The following CEACAM21 variants were observed in gnomAD, a reference collection of about 807,000 sequenced individuals.
CEACAM21 encodes cell adhesion molecule CEACAM21.
Under a neutral mutation model 33.2 loss-of-function variants are expected in CEACAM21, and 38 were observed. That is an observed-to-expected ratio of 1.14 (90% CI 0.88 to 1.50). The LOEUF (loss-of-function observed/expected upper bound fraction) is 1.50, where lower values mean the gene tolerates loss of function less well. CEACAM21 is among the 40% of genes most tolerant of loss of function. The pLI is 0.00. For missense variants in CEACAM21, 385 were observed against 364.6 expected (o/e 1.06, Z -0.46); for synonymous variants, 156 against 143.0 (o/e 1.09, Z -0.65).
intron 1 of CEACAM21, among the ~76,000 whole-genome samples, chr19:41,554,327 T>C (rs2041408486): frequency 6.6e-6 from 1 of 152,012 alleles, no homozygotes; most frequent in Non-Finnish European, 1.5e-5. Context: ...CAAGGTAACA[T>C]GTGTATATGG....
intron 2 of CEACAM21, among the ~76,000 whole-genome samples, chr19:41,565,992 T>C (rs1249630197): frequency 6.6e-6 from 1 of 151,844 alleles, no homozygotes; most frequent in East Asian, 1.9e-4. Context: ...TTCTGGAGGA[T>C]TGATGGCTGA....
intron 1 of CEACAM21, among the ~76,000 whole-genome samples, chr19:41,559,944 G>A (rs1555786416): frequency 6.6e-6 from 1 of 152,068 alleles, no homozygotes; most frequent in Non-Finnish European, 1.5e-5. Flanking sequence ...TGTGAACAAC[G>A]TTGCATCTCA....
At chr19:41,570,321 C>T (rs116111041) in intron 2 of CEACAM21, among the ~76,000 whole-genome samples, 345 of 152,220 alleles carry the variant, frequency 2.3e-3, no homozygotes, top group African/African-American at 7.9e-3. Flanking sequence ...GAAAGGCTGT[C>T]GCTCCTAATA....
At chr19:41,565,059 G>A (rs1313930734) in intron 2 of CEACAM21, 1 of 152,452 alleles carries the variant, frequency 6.6e-6, no homozygotes, top group Non-Finnish European at 1.5e-5. Flanking sequence ...GGTGCGTGGT[G>A]AGTCTCCCCA....
intron 1 of CEACAM21, among the ~76,000 whole-genome samples, chr19:41,552,840 G>C (rs1351988416): frequency 1.3e-5 from 2 of 152,128 alleles, no homozygotes; most frequent in African/African-American, 4.8e-5. Context: ...ATAGGTTGCT[G>C]CTACTTCCTT....
rs371133723 is a variant in CEACAM21, at chr19:41,579,390, C to T, written c.462C>T (p.Thr154=). 9.9e-6 allele frequency: 16 copies of T among 1,613,862 alleles called. No homozygotes were observed. In the East Asian group the frequency reaches 2.5e-4, roughly 25 times the overall value. The change falls in exon 3 of 7, where the codon ACC becomes ACT. Residue 154 remains threonine (T), a synonymous_variant. Coordinates refer to ENST00000401445, the MANE Select transcript of CEACAM21 (RefSeq NM_001098506.4). ...VAQPSIQASS[T]TVTEKGSVVL... ...AGCCCTCCATCCAAGCCAGCAGCAC[C>T]ACAGTCACAGAGAAGGGCTCCGTGG...
intron 5 of CEACAM21, 124 bp from the exon 6 acceptor site, chr19:41,585,716 C>A: frequency 8.6e-7 from 1 of 1,165,036 alleles, no homozygotes; most frequent in Non-Finnish European, 1.2e-6. Flanking sequence ...TACTTGACCC[C>A]TAAAATAACC....
intron 3 of CEACAM21, among the ~76,000 whole-genome samples, chr19:41,580,293 T>C (rs1430176519): frequency 6.6e-6 from 1 of 151,556 alleles, no homozygotes; most frequent in Non-Finnish European, 1.5e-5. Flanking sequence ...CAGACACACT[T>C]CTGTGACCAA....
intron 3 of CEACAM21, among the ~76,000 whole-genome samples, chr19:41,584,048 CA>C (rs2070519767): frequency 6.6e-6 from 1 of 152,062 alleles, no homozygotes; most frequent in Non-Finnish European, 1.5e-5. Context: ...AAAAAAGAAA[CA>C]GGGGGAAGAG....
rs534780264 is a variant in CEACAM21, at chr19:41,577,419, A to T, written c.284A>T (p.Tyr95Phe). 1 of 1,614,188 alleles carries T rather than the reference A, an allele frequency of 6.2e-7. No individual in the cohort carries two copies. Among genetic ancestry groups the T allele is most frequent in the South Asian group, 1.1e-5 (1 of 91,086 alleles). ...CACGTTAGGACTCCAGGGCCTGCAT[A>T]CAGCGGTCGAGAGACAATATCACCC... ...DTHVRTPGPA[Y>F]SGRETISPSG... The change falls in exon 2 of 7, where the codon TAC becomes TTC. Residue 95 changes from tyrosine to phenylalanine, a missense_variant. By Grantham distance (22) the Tyr-to-Phe change is conservative. Coordinates refer to ENST00000401445, the MANE Select transcript of CEACAM21 (RefSeq NM_001098506.4).
chr19:41,561,176 C>T (rs191737446), intron 1 of CEACAM21, among the ~76,000 whole-genome samples: 1 of 152,174 alleles, frequency 6.6e-6, no homozygotes, highest in East Asian at 1.9e-4. Context: ...ATTTTTAAAA[C>T]AAACTTTTTG....
chr19:41,577,648 C>G, intron 2 of CEACAM21, 89 bp downstream of exon 2: 1 of 1,567,290 alleles, frequency 6.4e-7, no homozygotes, highest in Non-Finnish European at 8.6e-7. Context: ...GCCTGCATCC[C>G]CCTCTGCATT....
intron 2 of CEACAM21, among the ~76,000 whole-genome samples, chr19:41,578,180 C>A (rs1273728386): frequency 6.6e-6 from 1 of 152,116 alleles, no homozygotes; most frequent in Non-Finnish European, 1.5e-5. Context: ...CTTCCCAGGC[C>A]ATTAAACTGG....
intron 1 of CEACAM21, chr19:41,551,960 G>A (rs1033440363): frequency 1.3e-5 from 2 of 152,072 alleles, no homozygotes; most frequent in Non-Finnish European, 1.5e-5. Context: ...TATTTCTCAC[G>A]GCCCAATAAC....
intron 2 of CEACAM21, 50 bp downstream of exon 2, chr19:41,577,609 C>T (rs781984731): frequency 2.5e-6 from 4 of 1,603,530 alleles, no homozygotes; most frequent in Non-Finnish European, 3.4e-6. Flanking sequence ...TTCTGCTTCA[C>T]ATACGCAGGA....
Position 41,579,575 on chromosome 19 carries a change from T to C in CEACAM21, c.647T>C (p.Val216Ala), listed in dbSNP as rs782104168. The C allele has an allele frequency of 6.3e-7, 1 of 1,596,730 alleles. No homozygotes were observed. Among genetic ancestry groups the C allele is most frequent in the South Asian group, 1.1e-5 (1 of 88,744 alleles). The change falls in exon 3 of 7, where the codon GTC becomes GCC. Residue 216 changes from valine to alanine, a missense_variant. Coordinates refer to ENST00000401445, the MANE Select transcript of CEACAM21 (RefSeq NM_001098506.4). ...GACGCTGGGGAGTATCAGTGTGAGG[T>C]CTCCAACCCAGTCAGCTCCAACAGG... ...QEDAGEYQCE[V>A]SNPVSSNRSD...
At chr19:41,557,802 G>C (rs1207098442) in intron 1 of CEACAM21, among the ~76,000 whole-genome samples, 1 of 152,210 alleles carries the variant, frequency 6.6e-6, no homozygotes, top group African/African-American at 2.4e-5. Context: ...GAGGATGTAG[G>C]TTATTCAGTG....
At chr19:41,576,424 G>A in intron 1 of CEACAM21, 86 bp downstream of exon 1, 2 of 1,380,106 alleles carry the variant, frequency 1.4e-6, no homozygotes, top group South Asian at 1.4e-5. Context: ...GGCTCTGAGA[G>A]GAGACAGAGG....
chr19:41,555,401 A>G (rs1318016507), intron 1 of CEACAM21: 1 of 151,232 alleles, frequency 6.6e-6, no homozygotes, highest in Non-Finnish European at 1.5e-5. Context: ...TCAGAAAGTC[A>G]TATTTGGAGG....
Sources: gnomAD v4.1 joint callset for allele counts (sites outside exome capture counted in the v4.1 genomes callset) on GRCh38, gnomAD v4.1.1 for gene constraint, MANE v1.5 for transcripts, NCBI Gene and HGNC (gene_info 2026-07-23, HGNC 2026-07-21) for gene names.